PCNX1: variants seen among roughly 807,000 people sequenced by gnomAD.
PCNX1 encodes pecanex 1, also known as pecanex-like protein 1.
PCNX1 carries 78 observed loss-of-function variants against 242.2 expected under a neutral mutation model. That is an observed-to-expected ratio of 0.32 (90% CI 0.27 to 0.39). The LOEUF is 0.39. Ranked by LOEUF, PCNX1 falls within the 10% of genes least tolerant of loss-of-function variation. PCNX1 has a pLI of 1.00. For missense variants in PCNX1, 2,581 were observed against 2,856.5 expected (o/e 0.90, Z 2.20); for synonymous variants, 1,024 against 1,032.9 (o/e 0.99, Z 0.17).
intron 8 of PCNX1, among the ~76,000 whole-genome samples, chr14:71,002,567 CATT>C (rs1566683687): frequency 1.3e-5 from 2 of 152,198 alleles, no homozygotes; most frequent in African/African-American, 4.8e-5. Context: ...TGCTTTCTAT[CATT>C]ATGATTTCCC....
chr14:70,938,650 A>C (rs532138324), intron 1 of PCNX1, among the ~76,000 whole-genome samples: 12 of 152,276 alleles, frequency 7.9e-5, no homozygotes, highest in Middle Eastern at 3.4e-3. Flanking sequence ...TCATAAAATG[A>C]GTTAGGGAGG....
At chr14:70,924,256 G>GA (rs917788375) in intron 1 of PCNX1, among the ~76,000 whole-genome samples, 22 of 144,168 alleles carry the variant, frequency 1.5e-4, no homozygotes, top group African/African-American at 5.6e-4. Context: ...AAAAGAAAAA[G>GA]AAAAAACAGA....
Position 70,907,604 on chromosome 14 carries a change from C to A in PCNX1, c.-247C>A. 7.9e-6 allele frequency: 2 copies of A among 252,852 alleles called. No homozygotes were observed. The highest frequency in any genetic ancestry group is 3.1e-4 in the South Asian group (2 of 6,400). 15.7% of individuals were successfully genotyped at this position (252,852 alleles called of 1,614,324 possible). A position where few individuals can be genotyped will look rare whatever the true frequency, so the allele number is the denominator to read the frequency against. ...TGGCGGCGGCTCTCAGAAGGCCGGT[C>A]TCCTCCTCTCCGCCGTCCTCCGCCC... is the stretch of plus-strand genomic sequence containing the variant. On this transcript the variant is annotated 5_prime_UTR_variant, in exon 1 of 36. Coordinates refer to ENST00000304743, the MANE Select transcript of PCNX1 (RefSeq NM_014982.3).
rs747317408 is a variant in PCNX1 at position 71,073,705 on chromosome 14, C to T, written c.5013C>T (p.Tyr1671=). The T allele has an allele frequency of 6.2e-6, 10 of 1,613,978 alleles. No homozygotes were observed. The highest frequency in any genetic ancestry group is 7.6e-6 in the Non-Finnish European group (9 of 1,179,918). ...CTTGGGAAGTGATAGTCACAAAGTA[C>T]ATTCTGGAGGGTTATAGCATCACTG... ...WLAWEVIVTK[Y]ILEGYSITDN... is the part of the protein sequence containing the mutation. Residue 1671 remains tyrosine (Y), a synonymous_variant, in exon 27 of 36, where the codon TAC becomes TAT. Transcript: ENST00000304743.
Position 70,907,670 on chromosome 14 carries a change from G to C in PCNX1, c.-181G>C. 1.5e-6 allele frequency: 1 copy of C among 653,764 alleles called. No individual in the cohort carries two copies. The highest frequency in any genetic ancestry group is 2.0e-6 in the Non-Finnish European group (1 of 490,268). The allele number at this position is 653,764 out of a possible 1,614,324, so 40.5% of individuals were successfully genotyped here. A position where few individuals can be genotyped will look rare whatever the true frequency, so the allele number is the denominator to read the frequency against. ...CCTCCTCTCGGGTCTCCTCCTCCTC[G>C]TTTGCTGCCTCCTCCTCCTCCTGCA... is the stretch of plus-strand genomic sequence containing the variant. On this transcript the variant is annotated 5_prime_UTR_variant, in exon 1 of 36. Coordinates refer to ENST00000304743, the MANE Select transcript of PCNX1 (RefSeq NM_014982.3).
intron 12 of PCNX1, among the ~76,000 whole-genome samples, chr14:71,021,006 A>G (rs2060085663): frequency 6.6e-6 from 1 of 152,194 alleles, no homozygotes; most frequent in Non-Finnish European, 1.5e-5. Context: ...AACACCATTT[A>G]TTAAATAGGG....
rs887423139 is a variant in PCNX1 at position 71,010,974 on chromosome 14, A to G, written c.2721-518A>G. Among the ~76,000 whole-genome samples, 24 of 152,136 alleles carry G rather than the reference A, an allele frequency of 1.6e-4. 1 individual carries two copies. The highest frequency in any genetic ancestry group is 5.8e-4 in the African/African-American group (24 of 41,448). ...TTACCCTGATTCTGTAACAATGGAA[A>G]CAGTAGGAGGAGGGAGGGATAGAAA... On this transcript the variant is annotated intron_variant, in intron 9 of 35. Coordinates refer to ENST00000304743, the MANE Select transcript of PCNX1 (RefSeq NM_014982.3).
intron 26 of PCNX1, among the ~76,000 whole-genome samples, chr14:71,070,892 A>G (rs1028149892): frequency 2.6e-5 from 4 of 152,216 alleles, no homozygotes; most frequent in African/African-American, 9.6e-5. Context: ...AAAGTCCTAG[A>G]TGGCATCTTC....
At chr14:70,920,686 C>G (rs961578830) in intron 1 of PCNX1, among the ~76,000 whole-genome samples, 2 of 152,146 alleles carry the variant, frequency 1.3e-5, no homozygotes, top group Admixed American at 1.3e-4. Flanking sequence ...TCTCTTGGCT[C>G]TCTGTATAAT....
In PCNX1 at chr14:71,103,371, A is replaced by C. The variant is rs759006134; in HGVS notation, c.5821-24A>C. 3 of 1,610,922 alleles carry C rather than the reference A, an allele frequency of 1.9e-6. No homozygotes were observed. In the Admixed American group the frequency reaches 5.0e-5, roughly 27 times the overall value. On this transcript the variant is annotated intron_variant, in intron 31 of 35. Coordinates refer to ENST00000304743, the MANE Select transcript of PCNX1 (RefSeq NM_014982.3). The stretch of plus-strand genomic sequence containing the variant: ...ATTTTATTCTTGGCCCCTTAACCTA[A>C]TTCCCTTGTGTTCTGGTTTTCAGGT...
At chr14:71,023,722 T>C (rs1451405385) in intron 13 of PCNX1, among the ~76,000 whole-genome samples, 1 of 152,100 alleles carries the variant, frequency 6.6e-6, no homozygotes, top group African/African-American at 2.4e-5. Flanking sequence ...GACAAAAATA[T>C]TATCTGCCTA....
intron 26 of PCNX1, among the ~76,000 whole-genome samples, chr14:71,067,109 G>C (rs917409276): frequency 6.6e-6 from 1 of 151,872 alleles, no homozygotes; most frequent in Admixed American, 6.6e-5. Flanking sequence ...TTTGGTATCA[G>C]GATGATGCTG....
chr14:70,964,219 AC>A (rs1169832529), intron 3 of PCNX1, among the ~76,000 whole-genome samples: 1 of 152,050 alleles, frequency 6.6e-6, no homozygotes, highest in East Asian at 1.9e-4. Context: ...GGTGTCTGCC[AC>A]CACACCTGGC....
At chr14:71,032,274 A>G (rs8006046) in intron 16 of PCNX1, among the ~76,000 whole-genome samples, 84,813 of 152,000 alleles carry the variant, frequency 0.56, 25,058 homozygotes, top group East Asian at 0.74. Context: ...CTTTGCTTTC[A>G]TATGTATTTA....
rs769311990 is a variant in PCNX1, at chr14:70,978,367, G to A, written c.2030G>A (p.Arg677Gln). ...ACCAGCAAAAAGCGTGCAACACGAC[G>A]GACTTCTAGCACAAATAGTGCCAAG... is the stretch of plus-strand genomic sequence containing the variant. ...EGTSKKRATR[R>Q]TSSTNSAKTR... is the part of the protein sequence containing the mutation. Residue 677 changes from arginine to glutamine, a missense_variant, in exon 6 of 36, where the codon CGG (arginine) becomes CAG (glutamine). By Grantham distance (43) the Arg-to-Gln change is conservative. Around this residue, in one of 9 missense-constraint regions of PCNX1, gnomAD observed 1,204 missense variants for 1,216.7 expected, o/e 0.99. Coordinates refer to ENST00000304743, the MANE Select transcript of PCNX1 (RefSeq NM_014982.3). 8.1e-6 allele frequency: 13 copies of A among 1,614,062 alleles called. No individual in the cohort carries two copies. Among genetic ancestry groups the A allele is most frequent in the Admixed American group, 6.7e-5 (4 of 60,014 alleles).
chr14:70,951,165 T>C (rs1328739847), intron 2 of PCNX1, among the ~76,000 whole-genome samples: 1 of 151,952 alleles, frequency 6.6e-6, no homozygotes, highest in Non-Finnish European at 1.5e-5. Context: ...ATTTTTTCCC[T>C]GTAAATTTAG....
chr14:71,006,214 C>A (rs1409267474), intron 8 of PCNX1, among the ~76,000 whole-genome samples: 5 of 150,022 alleles, frequency 3.3e-5, no homozygotes, highest in Admixed American at 3.3e-4. Flanking sequence ...TCTTGAACTC[C>A]TGGGCTCAAG....
intron 1 of PCNX1, among the ~76,000 whole-genome samples, chr14:70,911,872 T>C (rs184707178): frequency 1.3e-5 from 2 of 152,334 alleles, no homozygotes; most frequent in African/African-American, 4.8e-5. Context: ...GATTATTAAG[T>C]CAAATCATTT....
chr14:71,062,312 T>C (rs568068818), intron 26 of PCNX1, among the ~76,000 whole-genome samples: 5 of 152,254 alleles, frequency 3.3e-5, no homozygotes, highest in African/African-American at 1.2e-4. Flanking sequence ...GCCAGTGATA[T>C]TGATGACCCT....
Sources: gnomAD v4.1 joint callset for allele counts (sites outside exome capture counted in the v4.1 genomes callset) on GRCh38, gnomAD v4.1.1 for gene constraint, gnomAD v4.1.1 regional missense constraint, MANE v1.5 for transcripts, NCBI Gene and HGNC (gene_info 2026-07-23, HGNC 2026-07-21) for gene names.